ST3GAL3: variants seen among roughly 807,000 people sequenced by gnomAD.
ST3GAL3 encodes the protein CMP-N-acetylneuraminate-beta-1,4-galactoside alpha-2,3-sialyltransferase.
ST3GAL3 carries 21 observed loss-of-function variants against 50.1 expected under a neutral mutation model. That is an observed-to-expected ratio of 0.42 (90% CI 0.30 to 0.60). ST3GAL3 has a LOEUF of 0.60. Ranked by LOEUF, ST3GAL3 falls within the 20% of genes least tolerant of loss-of-function variation. The probability of loss-of-function intolerance (pLI) is 0.19; values close to 1 mark genes in which losing one functional copy is unlikely to be tolerated. For missense variants in ST3GAL3, 353 were observed against 489.4 expected (o/e 0.72, Z 2.63); for synonymous variants, 183 against 190.0 (o/e 0.96, Z 0.30).
At position 43,736,224 on chromosome 1, in the gene ST3GAL3, C is replaced by A. The variant is rs780391517; in HGVS notation, c.-30-9C>A. On this transcript the variant is annotated splice_polypyrimidine_tract_variant and intron_variant, in intron 1 of 11. Transcript: ENST00000347631. Reference sequence around the variant, plus strand: ...TTGTCTTTTAAGAACTAAACTTTTTCTTTTCTAGGTCATTTAGGAAATCGT... The same window carrying A: ...TTGTCTTTTAAGAACTAAACTTTTTATTTTCTAGGTCATTTAGGAAATCGT... 1 of 1,613,338 alleles carries A rather than the reference C, an allele frequency of 6.2e-7. No homozygotes were observed. The highest frequency in any genetic ancestry group is 8.5e-7 in the Non-Finnish European group (1 of 1,179,344).
chr1:43,830,046 C>T (rs559956670), intron 4 of ST3GAL3, among the ~76,000 whole-genome samples: 31 of 94,320 alleles, frequency 3.3e-4, no homozygotes, highest in African/African-American at 1.0e-3. Flanking sequence ...CTTGCTTTGT[C>T]GCCCAGGCTG....
chr1:43,822,814 CACTCCAG>C (rs1329862568), intron 4 of ST3GAL3, among the ~76,000 whole-genome samples: 1 of 152,142 alleles, frequency 6.6e-6, no homozygotes, highest in Non-Finnish European at 1.5e-5. Context: ...TCTTTCCCCA[CACTCCAG>C]ACTCATTTAC....
intron 9 of ST3GAL3, among the ~76,000 whole-genome samples, chr1:43,907,432 G>A (rs550823643): frequency 6.6e-6 from 1 of 152,280 alleles, no homozygotes; most frequent in East Asian, 1.9e-4. Flanking sequence ...TAGCATCTCA[G>A]TGCTGCTTCC....
intron 2 of ST3GAL3, among the ~76,000 whole-genome samples, chr1:43,758,435 T>C (rs1367157191): frequency 1.3e-5 from 2 of 151,998 alleles, no homozygotes; most frequent in Non-Finnish European, 2.9e-5. Context: ...AAATTTTTTG[T>C]AGAGACAGGG....
intron 5 of ST3GAL3, among the ~76,000 whole-genome samples, chr1:43,892,074 G>T (rs2076764911): frequency 6.6e-6 from 1 of 152,168 alleles, no homozygotes; most frequent in Non-Finnish European, 1.5e-5. Context: ...GTCCCAAGAC[G>T]CTGGGACTAC....
chr1:43,708,852 G>A (rs1165103053), intron 1 of ST3GAL3, among the ~76,000 whole-genome samples: 1 of 152,182 alleles, frequency 6.6e-6, no homozygotes, highest in African/African-American at 2.4e-5. Context: ...ATCAATCAAT[G>A]GAACGCCTCT....
chr1:43,868,282 G>A (rs543380840), intron 5 of ST3GAL3, among the ~76,000 whole-genome samples: 2 of 152,264 alleles, frequency 1.3e-5, no homozygotes, highest in Non-Finnish European at 2.9e-5. Flanking sequence ...TTCCATTTAT[G>A]TTAAATGTCT....
chr1:43,793,029 T>C (rs1331107825), intron 3 of ST3GAL3, among the ~76,000 whole-genome samples: 3 of 152,056 alleles, frequency 2.0e-5, no homozygotes, highest in East Asian at 1.9e-4. Context: ...TTAGATATGG[T>C]AGATTGATGA....
chr1:43,772,168 G>C (rs1200765438), intron 2 of ST3GAL3: 5 of 396,010 alleles, frequency 1.3e-5, no homozygotes, highest in Non-Finnish European at 2.2e-5. Context: ...TCCTGCCTCA[G>C]CCTCCCCAGT....
At chr1:43,911,437 G>A (rs1450181720) in intron 9 of ST3GAL3, among the ~76,000 whole-genome samples, 1 of 151,200 alleles carries the variant, frequency 6.6e-6, no homozygotes, top group African/African-American at 2.4e-5. Flanking sequence ...AGATCTCCAG[G>A]GTCAGGATTC....
chr1:43,733,679 G>T (rs568450865), intron 1 of ST3GAL3, among the ~76,000 whole-genome samples: 2 of 152,152 alleles, frequency 1.3e-5, no homozygotes, highest in Non-Finnish European at 2.9e-5. Context: ...GAAATTTCTT[G>T]GCCCTTCTTG....
At chr1:43,874,940 T>C (rs2073776311) in intron 5 of ST3GAL3, among the ~76,000 whole-genome samples, 1 of 152,178 alleles carries the variant, frequency 6.6e-6, no homozygotes, top group South Asian at 2.1e-4. Context: ...CATAAGGGCC[T>C]CACTGGTATT....
intron 9 of ST3GAL3, among the ~76,000 whole-genome samples, chr1:43,902,503 C>T (rs2078454552): frequency 6.6e-6 from 1 of 152,070 alleles, no homozygotes; most frequent in African/African-American, 2.4e-5. Context: ...GAGAACTCTC[C>T]TCTTCATCAT....
At chr1:43,851,574 T>C (rs2067311083) in intron 5 of ST3GAL3, 46 of 1,482,718 alleles carry the variant, frequency 3.1e-5, no homozygotes, top group Non-Finnish European at 4.1e-5. Context: ...GCTGGCGAAA[T>C]TCTCCGAGGT....
chr1:43,751,678 G>A (rs955433874), intron 2 of ST3GAL3, among the ~76,000 whole-genome samples: 5 of 152,156 alleles, frequency 3.3e-5, no homozygotes, highest in East Asian at 1.9e-4. Context: ...AAAATCAACA[G>A]CAGTAAACAT....
chr1:43,820,272 T>G (rs953741488), intron 4 of ST3GAL3, among the ~76,000 whole-genome samples: 4 of 152,176 alleles, frequency 2.6e-5, no homozygotes, highest in Admixed American at 2.6e-4. Flanking sequence ...AGAATGAAAC[T>G]GAACCCCTAC....
chr1:43,896,388 T>G (rs2077389533), intron 6 of ST3GAL3, among the ~76,000 whole-genome samples: 1 of 152,218 alleles, frequency 6.6e-6, no homozygotes, highest in Non-Finnish European at 1.5e-5. Context: ...CAAAAAATAC[T>G]AGGAATAATA....
chr1:43,708,338 T>C (rs989902610), intron 1 of ST3GAL3, among the ~76,000 whole-genome samples: 1 of 152,216 alleles, frequency 6.6e-6, no homozygotes, highest in African/African-American at 2.4e-5. Context: ...CATTTATGTT[T>C]CCTTCACGTA....
intron 1 of ST3GAL3, among the ~76,000 whole-genome samples, chr1:43,733,478 A>C (rs1676834276): frequency 1.3e-5 from 2 of 152,220 alleles, no homozygotes. Flanking sequence ...TTATATGTAT[A>C]AAGTAAACTC....
Sources: allele counts gnomAD v4.1 joint callset (sites outside exome capture counted in the v4.1 genomes callset), GRCh38; gene constraint gnomAD v4.1.1; transcripts MANE v1.5; gene names NCBI Gene and HGNC (gene_info 2026-07-23, HGNC 2026-07-21).